Variants in RIT2 observed in about 807,000 individuals in gnomAD.
The protein encoded by RIT2 is Ras like without CAAX 2.
A neutral mutation model predicts 23.7 loss-of-function variants in RIT2; 24 were observed. The ratio of observed to expected loss-of-function variants is 1.01; its 90% confidence interval spans 0.73 to 1.43. The LOEUF is 1.43. Ranked by LOEUF, RIT2 falls within the 40% of genes most tolerant of loss-of-function variation. RIT2 has a pLI of 0.00. For synonymous variants in RIT2, 107 were observed against 91.1 expected, an observed-to-expected ratio of 1.17 and a Z score of -0.99; for missense variants, 236 against 266.9, an observed-to-expected ratio of 0.88 and a Z score of 0.81.
At chr18:42,814,285 T>C (rs921649514) in intron 4 of RIT2, among the ~76,000 whole-genome samples, 2 of 152,124 alleles carry the variant, frequency 1.3e-5, no homozygotes, top group Non-Finnish European at 2.9e-5. Flanking sequence ...AGGAAAGCCA[T>C]ACTTGCTATT....
intron 3 of RIT2, among the ~76,000 whole-genome samples, chr18:42,961,893 GCA>G (rs1910102157): frequency 6.6e-6 from 1 of 152,108 alleles, no homozygotes; most frequent in Non-Finnish European, 1.5e-5. Flanking sequence ...ATTTTCCATG[GCA>G]CACTCTGTAG....
chr18:43,065,525 G>A (rs1912752340), intron 1 of RIT2, among the ~76,000 whole-genome samples: 1 of 151,762 alleles, frequency 6.6e-6, no homozygotes, highest in East Asian at 1.9e-4. Context: ...CTCATTAGTA[G>A]AACTTTCTGA....
chr18:43,091,946 C>A (rs565850494), intron 1 of RIT2, among the ~76,000 whole-genome samples: 2 of 152,146 alleles, frequency 1.3e-5, no homozygotes, highest in East Asian at 3.9e-4. Flanking sequence ...AAAATGATTT[C>A]AAGTTTTGAA....
chr18:42,830,228 G>A (rs1043875369), intron 4 of RIT2, among the ~76,000 whole-genome samples: 14 of 152,194 alleles, frequency 9.2e-5, no homozygotes, highest in African/African-American at 2.9e-4. Flanking sequence ...GAAGTGGTAA[G>A]GACATGTGTT....
intron 4 of RIT2, among the ~76,000 whole-genome samples, chr18:42,816,194 C>A (rs1260214147): frequency 6.6e-6 from 1 of 152,168 alleles, no homozygotes; most frequent in East Asian, 1.9e-4. Context: ...TATAAATACC[C>A]CCCCATGGCT....
At chr18:42,987,638 A>T (rs1910742265) in intron 2 of RIT2, among the ~76,000 whole-genome samples, 2 of 152,216 alleles carry the variant, frequency 1.3e-5, no homozygotes, top group Admixed American at 6.5e-5. Flanking sequence ...TACCATCCCT[A>T]AATTAGAAAC....
chr18:43,100,250 A>G (rs775911143), intron 1 of RIT2, among the ~76,000 whole-genome samples: 19 of 152,138 alleles, frequency 1.2e-4, no homozygotes, highest in Admixed American at 3.3e-4. Flanking sequence ...TAAGCCAAGC[A>G]GATATCTGGA....
At chr18:42,814,683 T>G (rs1245005817) in intron 4 of RIT2, among the ~76,000 whole-genome samples, 1 of 152,196 alleles carries the variant, frequency 6.6e-6, no homozygotes, top group Non-Finnish European at 1.5e-5. Flanking sequence ...TCCAGGGCAC[T>G]GCCCACCACC....
At chr18:42,871,365 AGTGT>A (rs1179991604) in intron 4 of RIT2, among the ~76,000 whole-genome samples, 3 of 152,152 alleles carry the variant, frequency 2.0e-5, no homozygotes, top group Non-Finnish European at 4.4e-5. Flanking sequence ...TGTGAATTTA[AGTGT>A]GTGTTTGTGT....
At chr18:42,815,642 A>C (rs1905973740) in intron 4 of RIT2, among the ~76,000 whole-genome samples, 2 of 152,190 alleles carry the variant, frequency 1.3e-5, no homozygotes. Flanking sequence ...AGAATGAAAC[A>C]AAGTAGGTAA....
At chr18:42,807,244 T>G (rs1032039752) in intron 4 of RIT2, among the ~76,000 whole-genome samples, 2 of 152,226 alleles carry the variant, frequency 1.3e-5, no homozygotes, top group African/African-American at 4.8e-5. Context: ...TCTGTTTTCT[T>G]GGTGAATAGG....
intron 4 of RIT2, among the ~76,000 whole-genome samples, chr18:42,903,596 C>A (rs937402253): frequency 2.0e-5 from 3 of 152,018 alleles, no homozygotes; most frequent in African/African-American, 7.2e-5. Flanking sequence ...ATAATTGCCG[C>A]TAGAATAGAA....
At chr18:42,745,385 A>C (rs903351018) in intron 4 of RIT2, among the ~76,000 whole-genome samples, 1 of 152,228 alleles carries the variant, frequency 6.6e-6, no homozygotes, top group Non-Finnish European at 1.5e-5. Context: ...CATATGGTTA[A>C]TAAGTGGCTG....
chr18:43,037,619 TTCA>T (rs1279196691), intron 1 of RIT2, among the ~76,000 whole-genome samples: 1 of 152,106 alleles, frequency 6.6e-6, no homozygotes. Context: ...ATAATAAATC[TTCA>T]TCAATTACCT....
At chr18:42,876,651 G>T (rs951638549) in intron 4 of RIT2, among the ~76,000 whole-genome samples, 54 of 151,494 alleles carry the variant, frequency 3.6e-4, no homozygotes, top group African/African-American at 1.2e-3. Context: ...TTTGAAAAAT[G>T]TATCTTTTGT....
At chr18:42,826,596 C>T (rs1364162640) in intron 4 of RIT2, among the ~76,000 whole-genome samples, 5 of 151,930 alleles carry the variant, frequency 3.3e-5, no homozygotes, top group Non-Finnish European at 5.9e-5. Flanking sequence ...TATCAAAATC[C>T]TACCATCCCG....
chr18:43,060,326 T>C (rs968861754), intron 1 of RIT2, among the ~76,000 whole-genome samples: 1 of 152,150 alleles, frequency 6.6e-6, no homozygotes, highest in East Asian at 1.9e-4. Flanking sequence ...GATGTTATGA[T>C]TGAGTAATAA....
At chr18:42,980,825 G>A (rs1910582450) in intron 2 of RIT2, among the ~76,000 whole-genome samples, 1 of 152,112 alleles carries the variant, frequency 6.6e-6, no homozygotes. Context: ...AGGACAAGCA[G>A]ATGGAGATGT....
chr18:42,913,924 T>C (rs1232455917), intron 4 of RIT2, among the ~76,000 whole-genome samples: 2 of 152,128 alleles, frequency 1.3e-5, no homozygotes, highest in Non-Finnish European at 2.9e-5. Context: ...TTTCACCATG[T>C]ATAATTTTAC....
Sources: allele counts gnomAD v4.1 joint callset (sites outside exome capture counted in the v4.1 genomes callset), GRCh38; gene constraint gnomAD v4.1.1; transcripts MANE v1.5; gene names NCBI Gene and HGNC (gene_info 2026-07-23, HGNC 2026-07-21).